Variants in ASTN2 observed in about 807,000 individuals in gnomAD.
ASTN2 encodes astrotactin-2.
In ASTN2, 54 loss-of-function variants were observed where a neutral mutation model predicts 139.8. That is an observed-to-expected ratio of 0.39 (90% confidence interval 0.31 to 0.48). ASTN2 has a LOEUF of 0.48. ASTN2 is among the 20% of genes least tolerant of loss of function. The probability of loss-of-function intolerance (pLI) is 0.95; values close to 1 mark genes in which losing one functional copy is unlikely to be tolerated. For synonymous variants in ASTN2, 756 were observed against 719.5 expected (o/e 1.05, Z -0.81); for missense variants, 1,565 against 1,725.1 (o/e 0.91, Z 1.64).
At chr9:116,494,767 C>G (rs561821622) in intron 19 of ASTN2, among the ~76,000 whole-genome samples, 1 of 152,124 alleles carries the variant, frequency 6.6e-6, no homozygotes, top group Non-Finnish European at 1.5e-5. Context: ...AACTTTCTCA[C>G]AAAAATCTAC....
chr9:117,412,018 ACCCCCAG>A (rs1398705244), intron 1 of ASTN2, among the ~76,000 whole-genome samples: 1 of 26,094 alleles, frequency 3.8e-5, no homozygotes, highest in Non-Finnish European at 7.4e-5. Context: ...CCCCCCCCCA[ACCCCCAG>A]CGGGCACCAA....
At chr9:116,805,109 A>AGTGTGTGT (rs10681699) in intron 13 of ASTN2, among the ~76,000 whole-genome samples, 12,885 of 143,030 alleles carry the variant, frequency 0.09, 615 homozygotes, top group East Asian at 0.18. Flanking sequence ...GGATTTGGGG[A>AGTGTGTGT]GTGTGTGTGT....
rs571542248 is a variant in ASTN2 at position 117,041,283 on chromosome 9, A to T, written c.1277-1318T>A. Among the ~76,000 whole-genome samples, 155 of 152,038 alleles carry T rather than the reference A, an allele frequency of 1.0e-3. 2 individuals are homozygous for T. In the South Asian group the frequency reaches 0.015, roughly 15 times the overall value. ...TTTTTTACTGCTAGGCTCTTCTTTT[A>T]AGCAAACCTTGTCTCTCATCTCCTG... On this transcript the variant is annotated intron_variant, in intron 5 of 22. Coordinates refer to ENST00000313400, the MANE Select transcript of ASTN2 (RefSeq NM_001365068.1).
chr9:116,603,307 A>T (rs965783535), intron 19 of ASTN2, among the ~76,000 whole-genome samples: 23 of 152,172 alleles, frequency 1.5e-4, no homozygotes, highest in African/African-American at 5.1e-4. Context: ...GGAGTGGGAG[A>T]TCTATAAACT....
chr9:117,138,240 G>A (rs1281243063), intron 4 of ASTN2, among the ~76,000 whole-genome samples: 2 of 152,144 alleles, frequency 1.3e-5, no homozygotes, highest in African/African-American at 4.8e-5. Context: ...GTAGCAGGTT[G>A]GGGACTGAAA....
chr9:117,021,585 G>T (rs1423327258), intron 6 of ASTN2, among the ~76,000 whole-genome samples: 2 of 152,130 alleles, frequency 1.3e-5, no homozygotes, highest in African/African-American at 4.8e-5. Flanking sequence ...AAGTCTTTCT[G>T]TTTTTTATAA....
At chr9:117,355,844 C>T (rs1463410382) in intron 1 of ASTN2, among the ~76,000 whole-genome samples, 9 of 152,152 alleles carry the variant, frequency 5.9e-5, no homozygotes, top group African/African-American at 9.7e-5. Flanking sequence ...ATGGGAGCAG[C>T]TCAGCTTCAG....
chr9:117,109,604 T>C (rs113502357), intron 4 of ASTN2, among the ~76,000 whole-genome samples: 7,630 of 152,196 alleles, frequency 0.05, 257 homozygotes, highest in Middle Eastern at 0.092. Context: ...CCTTTCTTAG[T>C]TTTCAGGTTT....
chr9:117,251,970 C>T (rs536778957), intron 2 of ASTN2, among the ~76,000 whole-genome samples: 1 of 152,312 alleles, frequency 6.6e-6, no homozygotes, highest in South Asian at 2.1e-4. Flanking sequence ...AAACTGTTCT[C>T]ATTTCTAAAT....
At chr9:116,525,758 C>T (rs116795195) in intron 19 of ASTN2, among the ~76,000 whole-genome samples, 26 of 152,282 alleles carry the variant, frequency 1.7e-4, no homozygotes, top group African/African-American at 4.1e-4. Context: ...AAAACTCCTA[C>T]TATACTGTCT....
chr9:116,463,603 T>A (rs1848559051), intron 20 of ASTN2, among the ~76,000 whole-genome samples: 1 of 152,184 alleles, frequency 6.6e-6, no homozygotes, highest in Non-Finnish European at 1.5e-5. Flanking sequence ...CACATGTCCC[T>A]CCCTCTGGGA....
Position 116,618,391 on chromosome 9 carries a change from G to A in ASTN2, c.3288C>T (p.Thr1096=). Residue 1096 remains threonine, a synonymous_variant, in exon 19 of 23, where the codon ACC becomes ACT. Transcript: ENST00000313400. ...GCTGCAGAATATAGTCGGAGACCTTGGTCCCAATAGCTGGCTGAACATCCA... is the reference window on the plus strand; with the variant it reads ...GCTGCAGAATATAGTCGGAGACCTTAGTCCCAATAGCTGGCTGAACATCCA... The part of the protein sequence containing the change: ...EWVDVQPAIG[T]KVSDYILQHK... 6.2e-7 allele frequency: 1 copy of A among 1,614,116 alleles called. No individual in the cohort carries two copies. Among genetic ancestry groups the A allele is most frequent in the Non-Finnish European group, 8.5e-7 (1 of 1,179,982 alleles).
intron 22 of ASTN2, among the ~76,000 whole-genome samples, chr9:116,432,240 T>A (rs1026936841): frequency 3.3e-5 from 5 of 152,200 alleles, no homozygotes; most frequent in African/African-American, 1.2e-4. Context: ...TGAAATTTCA[T>A]CTTCAGGAAG....
intron 5 of ASTN2, among the ~76,000 whole-genome samples, chr9:117,057,979 A>T (rs1839111615): frequency 6.6e-6 from 1 of 152,324 alleles, no homozygotes; most frequent in Non-Finnish European, 1.5e-5. Context: ...AGGGCAAAAC[A>T]TATGAAAGTA....
At chr9:117,172,875 A>G (rs1009190326) in intron 3 of ASTN2, among the ~76,000 whole-genome samples, 8 of 152,268 alleles carry the variant, frequency 5.3e-5, no homozygotes, top group African/African-American at 1.9e-4. Flanking sequence ...ATCTTTGCTC[A>G]TCCCACACTT....
intron 13 of ASTN2, among the ~76,000 whole-genome samples, chr9:116,745,987 G>A (rs893277544): frequency 1.3e-5 from 2 of 151,738 alleles, no homozygotes; most frequent in African/African-American, 2.4e-5. Context: ...CTAGGGGAGA[G>A]TTGACTTCCT....
intron 1 of ASTN2, among the ~76,000 whole-genome samples, chr9:117,367,512 G>C (rs1829876376): frequency 6.6e-6 from 1 of 151,926 alleles, no homozygotes; most frequent in African/African-American, 2.4e-5. Context: ...AGAGAAGGGT[G>C]TGTGTGTGTG....
intron 1 of ASTN2, among the ~76,000 whole-genome samples, chr9:117,409,266 AT>A (rs1382566078): frequency 4.6e-5 from 7 of 152,116 alleles, no homozygotes; most frequent in Admixed American, 4.6e-4. Flanking sequence ...GCTCATGACT[AT>A]TTATAAGGAT....
At chr9:116,833,665 ACTT>A (rs554199138) in intron 11 of ASTN2, among the ~76,000 whole-genome samples, 305 of 152,060 alleles carry the variant, frequency 2.0e-3, no homozygotes, top group Non-Finnish European at 3.8e-3. Flanking sequence ...TTCCCTTGAG[ACTT>A]CTTCTTTGAC....
Sources: allele counts gnomAD v4.1 joint callset (sites outside exome capture counted in the v4.1 genomes callset), GRCh38; gene constraint gnomAD v4.1.1; transcripts MANE v1.5; gene names NCBI Gene and HGNC (gene_info 2026-07-23, HGNC 2026-07-21).